TENM3: variants seen among roughly 807,000 people sequenced by gnomAD.
TENM3 encodes the protein teneurin-3.
In TENM3, 63 loss-of-function variants were observed where a neutral mutation model predicts 255.1. That is an observed-to-expected ratio of 0.25 (90% confidence interval 0.20 to 0.30). The LOEUF (loss-of-function observed/expected upper bound fraction) is 0.30. Among genes scored for constraint, TENM3 ranks in the 10% least tolerant of loss-of-function variants. TENM3 has a pLI of 1.00. For synonymous variants in TENM3, 1,306 were observed against 1,322.3 expected, an observed-to-expected ratio of 0.99 and a Z score of 0.27; for missense variants, 2,929 against 3,461.1, an observed-to-expected ratio of 0.85 and a Z score of 3.86.
chr4:182,719,222 T>C (rs1243494983), intron 13 of TENM3, among the ~76,000 whole-genome samples: 1 of 151,328 alleles, frequency 6.6e-6, no homozygotes, highest in African/African-American at 2.4e-5. Context: ...ATAATACATA[T>C]TACCAGTAAA....
the TENM3 span, among the ~76,000 whole-genome samples, chr4:181,524,804 A>G: frequency 6.6e-6 from 1 of 152,106 alleles, no homozygotes; most frequent in African/African-American, 2.4e-5. Context: ...GGAGGAAAAG[A>G]GGAAAGCCTA....
At chr4:181,470,938 G>C in the TENM3 span, among the ~76,000 whole-genome samples, 9 of 151,798 alleles carry the variant, frequency 5.9e-5, no homozygotes, top group Non-Finnish European at 1.3e-4. Flanking sequence ...CTTACCTTTT[G>C]ACATAATTTT....
At chr4:182,127,549 T>G in the TENM3 span, among the ~76,000 whole-genome samples, 1 of 152,190 alleles carries the variant, frequency 6.6e-6, no homozygotes, top group South Asian at 2.1e-4. Context: ...TATATCACTG[T>G]TCTCATGATG....
chr4:182,389,184 G>A (rs1004125647), intron 3 of TENM3, among the ~76,000 whole-genome samples: 3 of 152,230 alleles, frequency 2.0e-5, no homozygotes, highest in East Asian at 1.9e-4. Context: ...ATAGTTGCCC[G>A]TGTTGGGTAG....
At chr4:182,340,211 T>G (rs972951525) in intron 2 of TENM3, among the ~76,000 whole-genome samples, 2 of 152,180 alleles carry the variant, frequency 1.3e-5, no homozygotes, top group Non-Finnish European at 2.9e-5. Context: ...TTCCCTTTCT[T>G]ACCCACCTCC....
At chr4:182,622,806 A>G (rs1388177379) in intron 4 of TENM3, among the ~76,000 whole-genome samples, 1 of 152,120 alleles carries the variant, frequency 6.6e-6, no homozygotes, top group African/African-American at 2.4e-5. Flanking sequence ...TTGAACACCT[A>G]CAACATGCCA....
At chr4:182,529,827 A>G (rs1359251237) in intron 3 of TENM3, among the ~76,000 whole-genome samples, 1 of 152,218 alleles carries the variant, frequency 6.6e-6, no homozygotes, top group Non-Finnish European at 1.5e-5. Context: ...AAAGTCAACA[A>G]TTACCATACA....
intron 3 of TENM3, among the ~76,000 whole-genome samples, chr4:182,479,901 G>C (rs368992124): frequency 2.0e-5 from 3 of 151,802 alleles, no homozygotes; most frequent in Non-Finnish European, 2.9e-5. Context: ...ACAAATAAAC[G>C]GATGGAATTA....
the TENM3 span, among the ~76,000 whole-genome samples, chr4:181,979,786 A>G: frequency 1.3e-5 from 2 of 152,350 alleles, no homozygotes; most frequent in South Asian, 4.1e-4. Context: ...TCAACGTCAT[A>G]CAGCTAGACA....
the TENM3 span, among the ~76,000 whole-genome samples, chr4:181,454,662 T>TTTTCTATACCA: frequency 6.6e-6 from 1 of 151,782 alleles, no homozygotes; most frequent in Non-Finnish European, 1.5e-5. Context: ...CTTTTCTATG[T>TTTTCTATACCA]TTTTTATACC....
At chr4:182,379,956 A>G (rs1674619875) in intron 3 of TENM3, among the ~76,000 whole-genome samples, 1 of 152,024 alleles carries the variant, frequency 6.6e-6, no homozygotes, top group African/African-American at 2.4e-5. Context: ...AGCTATTTCA[A>G]CAACAACAAC....
intron 22 of TENM3, among the ~76,000 whole-genome samples, chr4:182,758,526 A>G (rs1762896168): frequency 6.6e-6 from 1 of 152,056 alleles, no homozygotes; most frequent in African/African-American, 2.4e-5. Flanking sequence ...GTGCGGCGGG[A>G]TGTGAGCATC....
chr4:182,340,157 T>C (rs1362910772), intron 2 of TENM3, among the ~76,000 whole-genome samples: 1 of 152,140 alleles, frequency 6.6e-6, no homozygotes, highest in African/African-American at 2.4e-5. Context: ...TCTGGGGCCA[T>C]TCATTCTAGT....
At chr4:181,989,187 G>A in the TENM3 span, among the ~76,000 whole-genome samples, 1 of 152,070 alleles carries the variant, frequency 6.6e-6, no homozygotes, top group Non-Finnish European at 1.5e-5. Flanking sequence ...GAAGGCAGGG[G>A]CCCTGCATAA....
chr4:182,062,607 TG>T, the TENM3 span, among the ~76,000 whole-genome samples: 1 of 152,098 alleles, frequency 6.6e-6, no homozygotes, highest in Non-Finnish European at 1.5e-5. Flanking sequence ...AAGAAAGCAA[TG>T]GGGTTAAATG....
the TENM3 span, among the ~76,000 whole-genome samples, chr4:181,960,745 C>T: frequency 6.6e-6 from 1 of 152,092 alleles, no homozygotes; most frequent in Non-Finnish European, 1.5e-5. Context: ...ATCAACTGCC[C>T]GTAAAATCAT....
At chr4:182,231,046 G>A (rs1000077691) in intron 1 of TENM3, among the ~76,000 whole-genome samples, 1 of 151,212 alleles carries the variant, frequency 6.6e-6, no homozygotes, top group Non-Finnish European at 1.5e-5. Flanking sequence ...ATGCTGGAAG[G>A]AGGGGAAGGT....
At chr4:181,875,650 C>T in the TENM3 span, among the ~76,000 whole-genome samples, 17 of 152,084 alleles carry the variant, frequency 1.1e-4, no homozygotes, top group African/African-American at 3.9e-4. Flanking sequence ...ATCTTTCCTG[C>T]CATGTTTGAT....
chr4:181,735,804 T>C, the TENM3 span, among the ~76,000 whole-genome samples: 1 of 152,152 alleles, frequency 6.6e-6, no homozygotes, highest in African/African-American at 2.4e-5. Flanking sequence ...CAGTTTGCTG[T>C]ATGGGTTCTC....
Sources: gnomAD v4.1 joint callset for allele counts (sites outside exome capture counted in the v4.1 genomes callset) on GRCh38, gnomAD v4.1.1 for gene constraint, MANE v1.5 for transcripts, NCBI Gene and HGNC (gene_info 2026-07-23, HGNC 2026-07-21) for gene names.